The following ZDHHC5 variants were observed in gnomAD, a reference collection of about 807,000 sequenced individuals.
ZDHHC5 encodes zDHHC palmitoyltransferase 5, also known as palmitoyltransferase ZDHHC5.
A neutral mutation model predicts 70.0 loss-of-function variants in ZDHHC5; 22 were observed. That is an observed-to-expected ratio of 0.31 (90% confidence interval 0.22 to 0.45). The LOEUF (loss-of-function observed/expected upper bound fraction) is 0.45, where lower values mean the gene tolerates loss of function less well. Ranked by LOEUF, ZDHHC5 falls within the 20% of genes least tolerant of loss-of-function variation. ZDHHC5 has a pLI of 1.00. For missense variants in ZDHHC5, 746 were observed against 926.9 expected (o/e 0.80, Z 2.53); for synonymous variants, 313 against 347.8 (o/e 0.90, Z 1.11).
At position 57,699,178 on chromosome 11, in the gene ZDHHC5, C is replaced by T; in HGVS notation, c.1742C>T (p.Pro581Leu). The T allele has an allele frequency of 3.7e-6, 6 of 1,614,246 alleles. No homozygotes were observed. The highest frequency in any genetic ancestry group is 5.1e-6 in the Non-Finnish European group (6 of 1,180,044). Residue 581 changes from proline to leucine, a missense_variant, in exon 11 of 12, where the codon CCT becomes CTT. Pro to Leu is a moderately conservative substitution (Grantham distance 98). Coordinates refer to ENST00000287169, the MANE Select transcript of ZDHHC5 (RefSeq NM_015457.3). ...TCAACACCAGGCTCGGGCCATGCCC[C>T]TCGTACTAGTTCCTCCTCAGATGAT... ...IQSTPGSGHA[P>L]RTSSSSDDSK...
chr11:57,688,235 A>G (rs1171082505), intron 3 of ZDHHC5, among the ~76,000 whole-genome samples: 1 of 152,214 alleles, frequency 6.6e-6, no homozygotes, highest in Non-Finnish European at 1.5e-5. Flanking sequence ...TACTTAAACC[A>G]AATAACACCA....
chr11:57,682,278 TAAAG>T lies in ZDHHC5; in HGVS notation c.105-142_105-139del, dbSNP rs1946158605. The T allele has an allele frequency of 8.9e-6, 10 of 1,126,184 alleles. No homozygotes were observed. In the East Asian group the frequency reaches 2.7e-4, roughly 31 times the overall value. 69.8% of individuals were successfully genotyped at this position (1,126,184 alleles called of 1,614,324 possible). On this transcript the variant is annotated intron_variant, in intron 2 of 11. Coordinates refer to ENST00000287169, the MANE Select transcript of ZDHHC5 (RefSeq NM_015457.3). ...AACTAGACTCACTTAGTGGGAAAGA[TAAAG>T]ATAATAATTTGGGATGGCAAAGGTA...
In ZDHHC5 at chr11:57,696,824, A is replaced by G; in HGVS notation, c.1073A>G (p.Tyr358Cys). Residue 358 changes from tyrosine (Y) to cysteine (C), a missense_variant, in exon 10 of 12, where the codon TAC (tyrosine) becomes TGC (cysteine). Physicochemically the swap from Tyr to Cys is radical, Grantham distance 194. Around this residue, in one of 6 missense-constraint regions of ZDHHC5, gnomAD observed 179 missense variants for 178.4 expected, o/e 1.00. Coordinates refer to ENST00000287169, the MANE Select transcript of ZDHHC5 (RefSeq NM_015457.3). ...TPTMYKYRPG[Y>C]SSSSTSAAMP... is the part of the protein sequence containing the mutation. ...ACCATGTACAAGTATCGGCCGGGTT[A>G]CAGTAGCAGCAGTACGTCAGCTGCC... 2 of 1,614,114 alleles carry G rather than the reference A, an allele frequency of 1.2e-6. No individual in the cohort carries two copies. The highest frequency in any genetic ancestry group is 1.7e-6 in the Non-Finnish European group (2 of 1,179,952).
At position 57,699,848 on chromosome 11, in the gene ZDHHC5, C is replaced by T. The variant is rs753036609; in HGVS notation, c.1983-18C>T. The stretch of plus-strand genomic sequence containing the variant: ...CTGTCCCATTTCCTGACACCTACGT[C>T]TTGTCTCTTCTTTCCAGAGATGAAG... On this transcript the variant is annotated intron_variant, in intron 11 of 11. Transcript: ENST00000287169. 1.2e-6 allele frequency: 2 copies of T among 1,614,032 alleles called. No individual in the cohort carries two copies. Among genetic ancestry groups the T allele is most frequent in the African/African-American group, 1.3e-5 (1 of 74,942 alleles).
At chr11:57,689,442 A>G (rs1037083876) in intron 4 of ZDHHC5, among the ~76,000 whole-genome samples, 6 of 151,924 alleles carry the variant, frequency 3.9e-5, no homozygotes, top group Admixed American at 1.3e-4. Flanking sequence ...CAATGGCGCA[A>G]TCTCGGCTCA....
chr11:57,680,368 C>T (rs1281351413), intron 2 of ZDHHC5, among the ~76,000 whole-genome samples: 1 of 152,128 alleles, frequency 6.6e-6, no homozygotes, highest in African/African-American at 2.4e-5. Context: ...GAGAGCGAGA[C>T]CCTGTCTCAA....
At chr11:57,685,480 C>T in intron 3 of ZDHHC5, among the ~76,000 whole-genome samples, 1 of 151,962 alleles carries the variant, frequency 6.6e-6, no homozygotes. Context: ...AACCCCGTCT[C>T]TACTAAAAAT....
At chr11:57,679,459 G>A (rs774958795) in intron 2 of ZDHHC5, among the ~76,000 whole-genome samples, 1 of 152,134 alleles carries the variant, frequency 6.6e-6, no homozygotes, top group African/African-American at 2.4e-5. Context: ...ACCATACCTG[G>A]CCCCACTCTG....
chr11:57,678,366 C>G (rs139684470), intron 2 of ZDHHC5, among the ~76,000 whole-genome samples: 1 of 151,910 alleles, frequency 6.6e-6, no homozygotes, highest in Admixed American at 6.6e-5. Flanking sequence ...GTCAGGAGAT[C>G]GAGACCATCC....
chr11:57,699,314 A>C lies in ZDHHC5; in HGVS notation c.1878A>C (p.Pro626=), dbSNP rs1417610872. 6.2e-7 allele frequency: 1 copy of C among 1,614,058 alleles called. No individual in the cohort carries two copies. The highest frequency in any genetic ancestry group is 1.3e-5 in the African/African-American group (1 of 74,958). Residue 626 remains proline, a synonymous_variant, in exon 11 of 12, where the codon CCA becomes CCC. Transcript: ENST00000287169. The stretch of plus-strand genomic sequence containing the variant: ...GAGTAGGGTCCCCTGAACCAGGCCC[A>C]ACAGCCCCATACCTGGGCCGATCGA... The part of the protein sequence containing the change: ...GRGVGSPEPG[P]TAPYLGRSMS...
intron 2 of ZDHHC5, among the ~76,000 whole-genome samples, chr11:57,677,782 G>C (rs1477730181): frequency 6.6e-6 from 1 of 152,136 alleles, no homozygotes; most frequent in African/African-American, 2.4e-5. Context: ...AACTGCAGAG[G>C]TATTAGCACC....
At position 57,687,756 on chromosome 11, in the gene ZDHHC5, G is replaced by GTTTTT. The variant is rs746146074; in HGVS notation, c.227-730_227-726dup. On this transcript the variant is annotated intron_variant, in intron 3 of 11. Coordinates refer to ENST00000287169, the MANE Select transcript of ZDHHC5 (RefSeq NM_015457.3). The stretch of plus-strand genomic sequence containing the variant: ...GAGTAGGGGAAGACATTTTGGGAAA[G>GTTTTT]TTTTTTTTTTTTTTTTTTTTTTTTT... 1.1e-3 allele frequency among the ~76,000 whole-genome samples: 85 copies of GTTTTT among 75,286 alleles called. 14 individuals carry two copies. Among genetic ancestry groups the GTTTTT allele is most frequent in the African/African-American group, 4.3e-3 (82 of 19,088 alleles). The allele number at this position is 75,286 out of a possible 152,430, so 49.4% of individuals were successfully genotyped here.
intron 1 of ZDHHC5, among the ~76,000 whole-genome samples, chr11:57,670,330 G>A (rs550577269): frequency 1.8e-4 from 28 of 152,168 alleles, no homozygotes; most frequent in African/African-American, 5.8e-4. Context: ...AATTAGCTGG[G>A]TGTGGTGGTG....
chr11:57,693,772 T>A lies in ZDHHC5; in HGVS notation c.753-11T>A, dbSNP rs1340821402. The stretch of plus-strand genomic sequence containing the variant: ...CGCTGTGTCTCTCTCTCTCTCTCTC[T>A]CGACACTTAGGTATTTGGGGAGACC... On this transcript the variant is annotated splice_polypyrimidine_tract_variant and intron_variant, in intron 7 of 11. Coordinates refer to ENST00000287169, the MANE Select transcript of ZDHHC5 (RefSeq NM_015457.3). 1.3e-6 allele frequency: 2 copies of A among 1,547,742 alleles called. No individual in the cohort carries two copies. The highest frequency in any genetic ancestry group is 1.7e-6 in the Non-Finnish European group (2 of 1,146,422).
At chr11:57,684,751 T>G (rs899020584) in intron 3 of ZDHHC5, among the ~76,000 whole-genome samples, 2 of 152,204 alleles carry the variant, frequency 1.3e-5, no homozygotes, top group Admixed American at 6.5e-5. Flanking sequence ...TGACAAAGGT[T>G]GTCACTGATG....
At chr11:57,674,707 A>T (rs1946049178) in intron 2 of ZDHHC5, among the ~76,000 whole-genome samples, 2 of 152,218 alleles carry the variant, frequency 1.3e-5, no homozygotes, top group East Asian at 3.8e-4. Flanking sequence ...GCCAAAAGAT[A>T]TTCTGAAAAA....
intron 6 of ZDHHC5, 90 bp from the exon 7 acceptor site, chr11:57,692,517 TAGTG>T: frequency 2.0e-6 from 2 of 1,016,210 alleles, no homozygotes; most frequent in Non-Finnish European, 3.0e-6. Flanking sequence ...AGCCCTCAGA[TAGTG>T]AGTGCACAAT....
In ZDHHC5 at chr11:57,700,345, ATTTT is replaced by A; in HGVS notation, c.*319_*322del. Reference sequence around the variant, plus strand: ...CCAGATCATTTTTAAACCAGAAATAATTTTTTTTATTATTGTTACGGATTCTATT... The same window carrying A: ...CCAGATCATTTTTAAACCAGAAATAATTTTATTATTGTTACGGATTCTATT... On this transcript the variant is annotated 3_prime_UTR_variant, in exon 12 of 12. Coordinates refer to ENST00000287169, the MANE Select transcript of ZDHHC5 (RefSeq NM_015457.3). 1 of 187,616 alleles carries A rather than the reference ATTTT, an allele frequency of 5.3e-6. No homozygotes were observed. The highest frequency in any genetic ancestry group is 1.1e-5 in the Non-Finnish European group (1 of 91,790). 11.6% of individuals were successfully genotyped at this position (187,616 alleles called of 1,614,324 possible).
intron 2 of ZDHHC5, among the ~76,000 whole-genome samples, chr11:57,674,339 C>A (rs1946045051): frequency 6.9e-6 from 1 of 145,208 alleles, no homozygotes; most frequent in Non-Finnish European, 1.5e-5. Flanking sequence ...TTTTATTAAG[C>A]TCTTGACCAT....
Sources: gnomAD v4.1 joint callset for allele counts (sites outside exome capture counted in the v4.1 genomes callset) on GRCh38, gnomAD v4.1.1 for gene constraint, gnomAD v4.1.1 regional missense constraint, MANE v1.5 for transcripts, NCBI Gene and HGNC (gene_info 2026-07-23, HGNC 2026-07-21) for gene names.